The following CENPP variants were observed in gnomAD, a reference collection of about 807,000 sequenced individuals.
CENPP encodes the protein centromere protein P.
A neutral mutation model predicts 35.6 loss-of-function variants in CENPP; 24 were observed. The ratio of observed to expected loss-of-function variants is 0.67; its 90% CI spans 0.49 to 0.95. CENPP has a LOEUF of 0.95. Among genes scored for constraint, CENPP ranks in the 40% least tolerant of loss-of-function variants. CENPP has a pLI of 0.00. For missense variants in CENPP, 332 were observed against 345.3 expected (o/e 0.96, Z 0.31); for synonymous variants, 120 against 125.5 (o/e 0.96, Z 0.29).
intron 5 of CENPP, among the ~76,000 whole-genome samples, chr9:92,505,915 GA>G (rs1322824611): frequency 6.6e-6 from 1 of 152,080 alleles, no homozygotes; most frequent in Non-Finnish European, 1.5e-5. Context: ...AGGCAGACCT[GA>G]AAAAAATCAT....
intron 5 of CENPP, among the ~76,000 whole-genome samples, chr9:92,567,321 A>AT (rs1371156455): frequency 6.8e-6 from 1 of 147,960 alleles, no homozygotes; most frequent in South Asian, 2.1e-4. Flanking sequence ...ATACTTTTGT[A>AT]TTTTTTAAAT....
chr9:92,499,645 T>C (rs1246815390), intron 5 of CENPP, among the ~76,000 whole-genome samples: 1 of 152,214 alleles, frequency 6.6e-6, no homozygotes, highest in Non-Finnish European at 1.5e-5. Flanking sequence ...TGAAGTATTT[T>C]TGCCAAAAAA....
chr9:92,556,653 C>T (rs183454531), intron 5 of CENPP, among the ~76,000 whole-genome samples: 1 of 152,078 alleles, frequency 6.6e-6, no homozygotes, highest in Non-Finnish European at 1.5e-5. Context: ...GAATAGCTAC[C>T]CCTGCTCACT....
At chr9:92,574,850 G>T in intron 5 of CENPP, among the ~76,000 whole-genome samples, 1 of 152,148 alleles carries the variant, frequency 6.6e-6, no homozygotes, top group East Asian at 1.9e-4. Context: ...AACAATGTAG[G>T]ACTGATTTAA....
chr9:92,551,537 C>T (rs1166236240), intron 5 of CENPP, among the ~76,000 whole-genome samples: 2 of 151,828 alleles, frequency 1.3e-5, no homozygotes, highest in Non-Finnish European at 2.9e-5. Flanking sequence ...TTTTATTTTT[C>T]CATAAGTTAT....
At chr9:92,500,427 C>T (rs574729164) in intron 5 of CENPP, among the ~76,000 whole-genome samples, 1 of 152,356 alleles carries the variant, frequency 6.6e-6, no homozygotes, top group Admixed American at 6.5e-5. Context: ...AGGTGATCCG[C>T]CCGCCTTGGC....
intron 5 of CENPP, among the ~76,000 whole-genome samples, chr9:92,380,191 A>G (rs954599889): frequency 2.6e-4 from 39 of 152,358 alleles, no homozygotes; most frequent in African/African-American, 7.9e-4. Context: ...CTTATCATGT[A>G]GTGGTATACT....
intron 5 of CENPP, chr9:92,501,145 A>C: frequency 7.7e-7 from 1 of 1,294,308 alleles, no homozygotes; most frequent in South Asian, 1.4e-5. Flanking sequence ...ATGCTGGTCC[A>C]TTTTCCTATA....
chr9:92,372,449 A>C (rs981754478), intron 4 of CENPP, among the ~76,000 whole-genome samples: 1 of 151,250 alleles, frequency 6.6e-6, no homozygotes, highest in Admixed American at 6.6e-5. Context: ...TTTCTCTTAC[A>C]GTTTGTCATT....
chr9:92,532,177 A>G (rs1021125186), intron 5 of CENPP, among the ~76,000 whole-genome samples: 7 of 150,396 alleles, frequency 4.7e-5, no homozygotes, highest in African/African-American at 1.5e-4. Flanking sequence ...TACAATTTCT[A>G]TGTCTTCTTT....
chr9:92,352,467 C>CTGTG (rs61233585), intron 4 of CENPP, among the ~76,000 whole-genome samples: 2,785 of 71,186 alleles, frequency 0.039, 136 homozygotes, highest in African/African-American at 0.098. Flanking sequence ...TGCTTAAAGC[C>CTGTG]TGTGTGTGTG....
At chr9:92,375,484 G>T (rs1399267715) in intron 4 of CENPP, among the ~76,000 whole-genome samples, 1 of 151,612 alleles carries the variant, frequency 6.6e-6, no homozygotes, top group Non-Finnish European at 1.5e-5. Flanking sequence ...TTTTAATAGA[G>T]ATGGGGTTTC....
intron 5 of CENPP, among the ~76,000 whole-genome samples, chr9:92,433,680 C>G (rs903433267): frequency 2.6e-5 from 4 of 152,124 alleles, no homozygotes; most frequent in African/African-American, 9.6e-5. Flanking sequence ...GCCTATAATC[C>G]CAGCACTTTG....
chr9:92,417,654 G>T, intron 5 of CENPP: 1 of 773,308 alleles, frequency 1.3e-6, no homozygotes, highest in Non-Finnish European at 2.0e-6. Flanking sequence ...TCAGTTATAT[G>T]AAATGTATTA....
intron 5 of CENPP, among the ~76,000 whole-genome samples, chr9:92,532,029 A>ATTTTT (rs201461115): frequency 2.2e-5 from 2 of 91,048 alleles, no homozygotes; most frequent in Non-Finnish European, 2.1e-5. Context: ...TTTTTTTTTT[A>ATTTTT]TTTTATTTTT....
chr9:92,604,257 C>T (rs1363208205), intron 5 of CENPP, among the ~76,000 whole-genome samples: 1 of 152,106 alleles, frequency 6.6e-6, no homozygotes. Context: ...GTGGCATCAC[C>T]GTGTGGTTTT....
chr9:92,519,393 C>T (rs1485138927), intron 5 of CENPP, among the ~76,000 whole-genome samples: 1 of 152,134 alleles, frequency 6.6e-6, no homozygotes, highest in Admixed American at 6.5e-5. Context: ...TTGGAGATCT[C>T]ACACTTTCAG....
At chr9:92,556,965 T>A (rs1588273116) in intron 5 of CENPP, among the ~76,000 whole-genome samples, 2 of 152,356 alleles carry the variant, frequency 1.3e-5, no homozygotes, top group Middle Eastern at 6.8e-3. Flanking sequence ...TTGTCATGTA[T>A]TTCCAGGATT....
chr9:92,412,277 G>A lies in CENPP; in HGVS notation c.564+32418G>A, dbSNP rs182328180. ...AATTTTTAATTTTTTTGTAGAGACAGGGTTTCACTGTGTTGCCTAGGCCAG... is the reference window on the plus strand; with the variant it reads ...AATTTTTAATTTTTTTGTAGAGACAAGGTTTCACTGTGTTGCCTAGGCCAG... On this transcript the variant is annotated intron_variant, in intron 5 of 7. Coordinates refer to ENST00000375587, the MANE Select transcript of CENPP (RefSeq NM_001012267.3). Among the ~76,000 whole-genome samples the A allele has an allele frequency of 1.6e-4, 24 of 152,058 alleles. 1 individual carries two copies. The East Asian group carries it at 1.7e-3, about 11-fold the overall frequency.
Sources: allele counts gnomAD v4.1 joint callset (sites outside exome capture counted in the v4.1 genomes callset), GRCh38; gene constraint gnomAD v4.1.1; transcripts MANE v1.5; gene names NCBI Gene and HGNC (gene_info 2026-07-23, HGNC 2026-07-21).